The following FZD3 variants were observed in gnomAD, a reference collection of about 807,000 sequenced individuals.
The protein encoded by FZD3 is frizzled-3.
In FZD3, 30 loss-of-function variants were observed where a neutral mutation model predicts 60.7. That is an observed-to-expected ratio of 0.49 (90% CI 0.37 to 0.67). The LOEUF is 0.67. Ranked by LOEUF, FZD3 falls within the 30% of genes least tolerant of loss-of-function variation. FZD3 has a pLI of 0.00. For missense variants in FZD3, 605 were observed against 838.7 expected (o/e 0.72, Z 3.44); for synonymous variants, 246 against 275.2 (o/e 0.89, Z 1.05).
In FZD3 at chr8:28,560,913, C is replaced by T. The variant is rs372703078; in HGVS notation, c.1788-1885C>T. Among the ~76,000 whole-genome samples the T allele has an allele frequency of 9.9e-5, 15 of 152,212 alleles. 1 individual carries two copies. The East Asian group carries it at 1.9e-3, about 20-fold the overall frequency. ...CAAAACATGCAGAACAAATTTAAAA[C>T]TGTTTAAGGTCCTAAATATGAAGTA... On this transcript the variant is annotated intron_variant, in intron 7 of 7. Coordinates refer to ENST00000240093, the MANE Select transcript of FZD3 (RefSeq NM_017412.4).
intron 6 of FZD3, 63 bp from the exon 7 acceptor site, chr8:28,555,675 G>T: frequency 1.1e-6 from 1 of 884,548 alleles, no homozygotes; most frequent in African/African-American, 1.6e-5. Context: ...TTTCAGAGAA[G>T]TATTGCTTAT....
intron 3 of FZD3, among the ~76,000 whole-genome samples, chr8:28,504,125 C>T (rs1459360872): frequency 2.6e-5 from 4 of 151,898 alleles, no homozygotes; most frequent in African/African-American, 9.7e-5. Context: ...ATAATAAAAC[C>T]GAAAAGTTCA....
In FZD3 at chr8:28,555,830, G is replaced by A; in HGVS notation, c.1646G>A (p.Arg549Lys). 1 of 1,613,552 alleles carries A rather than the reference G, an allele frequency of 6.2e-7. No homozygotes were observed. The highest frequency in any genetic ancestry group is 8.5e-7 in the Non-Finnish European group (1 of 1,179,488). The change falls in exon 7 of 8, where the codon AGG becomes AAG. Residue 549 changes from arginine (R) to lysine (K), a missense_variant. By Grantham distance (26) the Arg-to-Lys change is conservative. Coordinates refer to ENST00000240093, the MANE Select transcript of FZD3 (RefSeq NM_017412.4). ...DPNTPIIRKS[R>K]GTSTQGTSTH... ...AATACTCCTATCATAAGAAAGTCAA[G>A]GGGAACTTCCACTCAAGGAACATCC...
rs1490986256 is a variant in FZD3, at chr8:28,562,864, A to G, written c.1854A>G (p.Thr618=). 1 of 1,613,624 alleles carries G rather than the reference A, an allele frequency of 6.2e-7. No homozygotes were observed. Among genetic ancestry groups the G allele is most frequent in the Non-Finnish European group, 8.5e-7 (1 of 1,179,678 alleles). ...CTCATGGCAGCATGTCACGACTAACAGATCACTCCAGGCATAGTAGTTCTC... is the reference window on the plus strand; with the variant it reads ...CTCATGGCAGCATGTCACGACTAACGGATCACTCCAGGCATAGTAGTTCTC... ...RLPHGSMSRL[T]DHSRHSSSHR... The change falls in exon 8 of 8, where the codon ACA becomes ACG. Residue 618 remains threonine, a synonymous_variant. Coordinates refer to ENST00000240093, the MANE Select transcript of FZD3 (RefSeq NM_017412.4).
rs981741798 is a variant in FZD3, at chr8:28,529,094, AT to A, written c.1404+937del. 3.3e-5 allele frequency among the ~76,000 whole-genome samples: 5 copies of A among 151,730 alleles called. No individual in the cohort carries two copies. In the South Asian group the frequency reaches 1.0e-3, roughly 32 times the overall value. On this transcript the variant is annotated intron_variant, in intron 5 of 7. Coordinates refer to ENST00000240093, the MANE Select transcript of FZD3 (RefSeq NM_017412.4). ...CCATGCCCAGCTAATTTTTTATTTC[AT>A]TTTTTTAAGAGATGGGGTTTCACTT...
rs1484533054 is a variant in FZD3, at chr8:28,562,899, A to G, written c.1889A>G (p.Asn630Ser). 3.7e-6 allele frequency: 6 copies of G among 1,613,244 alleles called. No homozygotes were observed. The highest frequency in any genetic ancestry group is 1.3e-5 in the African/African-American group (1 of 75,046). ...AGGCATAGTAGTTCTCATCGGCTCA[A>G]TGAACAGTCACGACATAGCAGCATC... is the stretch of plus-strand genomic sequence containing the variant. ...HSRHSSSHRL[N>S]EQSRHSSIRD... Residue 630 changes from asparagine to serine, a missense_variant, in exon 8 of 8, where the codon AAT (asparagine) becomes AGT (serine). By Grantham distance (46) the Asn-to-Ser change is conservative (BLOSUM62 1). Transcript: ENST00000240093.
chr8:28,568,231 A>C lies in FZD3; in HGVS notation c.*5220A>C, dbSNP rs1433385630. 1 of 152,166 alleles carries C rather than the reference A, an allele frequency of 6.6e-6. No homozygotes were observed. Among genetic ancestry groups the C allele is most frequent in the Non-Finnish European group, 1.5e-5 (1 of 68,010 alleles). The allele number at this position is 152,166 out of a possible 1,614,324, so 9.4% of individuals were successfully genotyped here. On this transcript the variant is annotated 3_prime_UTR_variant, in exon 8 of 8. Coordinates refer to ENST00000240093, the MANE Select transcript of FZD3 (RefSeq NM_017412.4). The stretch of plus-strand genomic sequence containing the variant: ...TCGTTTTACAGCTGATTAAGAAAAA[A>C]TGTTTACATTTAATTCAGCTGTATT...
chr8:28,497,466 T>C (rs1280668029), intron 1 of FZD3, among the ~76,000 whole-genome samples: 1 of 130,312 alleles, frequency 7.7e-6, no homozygotes, highest in African/African-American at 2.9e-5. Flanking sequence ...CTTAAGAAGC[T>C]CTTATTTAGA....
intron 3 of FZD3, among the ~76,000 whole-genome samples, chr8:28,512,320 G>T (rs1163062494): frequency 1.3e-5 from 2 of 151,930 alleles, no homozygotes; most frequent in Non-Finnish European, 2.9e-5. Flanking sequence ...TCCATTGTTA[G>T]GTTGAAAAAA....
chr8:28,494,992 G>A (rs531454979), intron 1 of FZD3, among the ~76,000 whole-genome samples: 3 of 152,284 alleles, frequency 2.0e-5, no homozygotes, highest in Admixed American at 1.3e-4. Flanking sequence ...TGCCTCCTCC[G>A]CGGGCTGTGG....
intron 2 of FZD3, among the ~76,000 whole-genome samples, chr8:28,502,216 C>T (rs1258856057): frequency 1.3e-5 from 2 of 152,148 alleles, no homozygotes; most frequent in Non-Finnish European, 2.9e-5. Context: ...TTTCAGACCA[C>T]TTTCACAGAT....
chr8:28,554,422 C>A (rs2130462714), intron 6 of FZD3, among the ~76,000 whole-genome samples: 2 of 152,132 alleles, frequency 1.3e-5, no homozygotes, highest in Admixed American at 1.3e-4. Flanking sequence ...TTGGCTTGTT[C>A]TTTTTTCTGT....
intron 3 of FZD3, among the ~76,000 whole-genome samples, chr8:28,509,670 C>T (rs2043182): frequency 0.52 from 79,472 of 151,984 alleles, 21,472 homozygotes; most frequent in South Asian, 0.63. Context: ...CTATGTATTT[C>T]GTATAAGAGG....
rs187911274 is a variant in FZD3 at position 28,555,962 on chromosome 8, G to A, written c.1778G>A (p.Arg593His). ...SSYHGSLHRS[R>H]DGRYTPCSYR... Reference sequence around the variant, plus strand: ...TACCACGGCAGCCTCCACAGATCACGTGATGGCAGGTGAGTTTTGTTAGTA... The same window carrying A: ...TACCACGGCAGCCTCCACAGATCACATGATGGCAGGTGAGTTTTGTTAGTA... The change falls in exon 7 of 8, where the codon CGT (arginine) becomes CAT (histidine). Residue 593 changes from arginine to histidine, a missense_variant. Physicochemically the swap from Arg to His is conservative, Grantham distance 29. Transcript: ENST00000240093. 26 of 1,597,112 alleles carry A rather than the reference G, an allele frequency of 1.6e-5. No individual in the cohort carries two copies. The highest frequency in any genetic ancestry group is 5.0e-5 in the Admixed American group (3 of 59,798).
At chr8:28,508,425 C>CT (rs35048077) in intron 3 of FZD3, among the ~76,000 whole-genome samples, 94 of 129,842 alleles carry the variant, frequency 7.2e-4, no homozygotes, top group Non-Finnish European at 1.0e-3. Flanking sequence ...CTAGGGAATA[C>CT]TTTTTTTTTT....
At chr8:28,545,326 T>C (rs1805269826) in intron 5 of FZD3, among the ~76,000 whole-genome samples, 1 of 152,202 alleles carries the variant, frequency 6.6e-6, no homozygotes, top group Non-Finnish European at 1.5e-5. Flanking sequence ...CCCCAAGACT[T>C]TGCTAAGATC....
chr8:28,518,975 G>A (rs1196872507), intron 3 of FZD3, among the ~76,000 whole-genome samples: 3 of 152,126 alleles, frequency 2.0e-5, no homozygotes, highest in Non-Finnish European at 2.9e-5. Flanking sequence ...TGTTCTTGAT[G>A]GAAACATTGG....
chr8:28,514,173 T>C (rs1223096302), intron 3 of FZD3, among the ~76,000 whole-genome samples: 3 of 152,198 alleles, frequency 2.0e-5, no homozygotes, highest in African/African-American at 4.8e-5. Flanking sequence ...TAAGAATCTT[T>C]ATAATTCAGT....
intron 3 of FZD3, among the ~76,000 whole-genome samples, chr8:28,511,886 A>G (rs1585953665): frequency 6.6e-6 from 1 of 152,204 alleles, no homozygotes; most frequent in South Asian, 2.1e-4. Flanking sequence ...AGTACCCGAC[A>G]CAGAACCTCA....
Sources: allele counts gnomAD v4.1 joint callset (sites outside exome capture counted in the v4.1 genomes callset), GRCh38; gene constraint gnomAD v4.1.1; transcripts MANE v1.5; gene names NCBI Gene and HGNC (gene_info 2026-07-23, HGNC 2026-07-21).